TBL2: variants seen among roughly 807,000 people sequenced by gnomAD.
TBL2 encodes the protein transducin beta like 2.
TBL2 carries 33 observed loss-of-function variants against 41.8 expected under a neutral mutation model. The ratio of observed to expected loss-of-function variants is 0.79; its 90% CI spans 0.60 to 1.06. TBL2 has a LOEUF of 1.06. TBL2 is among the 50% of genes least tolerant of loss of function. The probability of loss-of-function intolerance (pLI) is 0.00; values close to 1 mark genes in which losing one functional copy is unlikely to be tolerated. For synonymous variants in TBL2, 239 were observed against 241.7 expected (o/e 0.99, Z 0.10); for missense variants, 522 against 603.8 (o/e 0.86, Z 1.42).
In TBL2 at chr7:73,569,328, G is replaced by C. The variant is rs1030006651; in HGVS notation, c.*1179C>G. 6.6e-6 allele frequency: 1 copy of C among 152,242 alleles called. No individual in the cohort carries two copies. The highest frequency in any genetic ancestry group is 3.4e-3 in the Middle Eastern group (1 of 294). The allele number at this position is 152,242 out of a possible 1,614,324, so 9.4% of individuals were successfully genotyped here. A position where few individuals can be genotyped will look rare whatever the true frequency, so the allele number is the denominator to read the frequency against. On this transcript the variant is annotated 3_prime_UTR_variant, in exon 7 of 7. Coordinates refer to ENST00000305632, the MANE Select transcript of TBL2 (RefSeq NM_012453.4). ...GGCTTGTTCCAACATTGAGAGGTCA[G>C]GGGCAACCAGGGGGGGTCATAGTTT...
chr7:73,573,044 G>A, intron 4 of TBL2, 74 bp from the exon 5 acceptor site: 4 of 1,595,624 alleles, frequency 2.5e-6, no homozygotes, highest in African/African-American at 2.7e-5. Context: ...ACACTTACAA[G>A]GCCTCTGCTG....
chr7:73,576,418 T>G (rs1554588938), intron 1 of TBL2: 2 of 324,930 alleles, frequency 6.2e-6, no homozygotes, highest in African/African-American at 2.2e-5. Context: ...ATACAAAAAT[T>G]AGCCGGGCGT....
At chr7:73,572,322 G>A (rs903088367) in intron 5 of TBL2, among the ~76,000 whole-genome samples, 1 of 152,124 alleles carries the variant, frequency 6.6e-6, no homozygotes, top group African/African-American at 2.4e-5. Flanking sequence ...GGTAGTGCAC[G>A]CCTGTAGTCC....
chr7:73,573,823 C>T, intron 3 of TBL2, 115 bp downstream of exon 3: 3 of 1,334,308 alleles, frequency 2.2e-6, no homozygotes, highest in South Asian at 1.4e-5. Context: ...CTTTCTGGCA[C>T]CCCAAGGGAG....
At chr7:73,577,175 G>A (rs1040458977) in intron 1 of TBL2, among the ~76,000 whole-genome samples, 2 of 148,474 alleles carry the variant, frequency 1.3e-5, no homozygotes, top group African/African-American at 5.0e-5. Context: ...GCAGGAGAAT[G>A]GCGTGAACCC....
chr7:73,569,181 A>G lies in TBL2; in HGVS notation c.*1326T>C, dbSNP rs1297264478. The G allele has an allele frequency of 6.6e-6, 1 of 152,204 alleles. No individual in the cohort carries two copies. The highest frequency in any genetic ancestry group is 2.4e-5 in the African/African-American group (1 of 41,440). The allele number at this position is 152,204 out of a possible 1,614,324, so 9.4% of individuals were successfully genotyped here. A position where few individuals can be genotyped will look rare whatever the true frequency, so the allele number is the denominator to read the frequency against. On this transcript the variant is annotated 3_prime_UTR_variant, in exon 7 of 7. Transcript: ENST00000305632. ...GTAACAGAAAAGCTGGAGAGAAGCA[A>G]CAGCCTCAGGATGTCACATGGAGTG... is the stretch of plus-strand genomic sequence containing the variant.
Position 73,570,506 on chromosome 7 carries a change from G to C in TBL2, c.*1C>G, listed in dbSNP as rs1327452618. On this transcript the variant is annotated 3_prime_UTR_variant, in exon 7 of 7. Transcript: ENST00000305632. Reference sequence around the variant, plus strand: ...ATCCTCTGCGCCGGGCCCTCCCAGAGTCACTTCTTCAGGGCACCCAGGCTC... The same window carrying C: ...ATCCTCTGCGCCGGGCCCTCCCAGACTCACTTCTTCAGGGCACCCAGGCTC... 1 of 1,539,118 alleles carries C rather than the reference G, an allele frequency of 6.5e-7. No individual in the cohort carries two copies. The highest frequency in any genetic ancestry group is 1.4e-5 in the African/African-American group (1 of 72,942).
At chr7:73,576,723 A>G in intron 1 of TBL2, 1 of 456,550 alleles carries the variant, frequency 2.2e-6, no homozygotes, top group Non-Finnish European at 4.4e-6. Flanking sequence ...CACAGCCACA[A>G]TCTGTCCTCT....
In TBL2 at chr7:73,573,317, T is replaced by A. The variant is rs1263547018; in HGVS notation, c.598+3A>T. ...CAGGCGCCACCCTCTGAATGCCTCTTACCTGTGTTAGCAATGCCAATGTCG... is the reference window on the plus strand; with the variant it reads ...CAGGCGCCACCCTCTGAATGCCTCTAACCTGTGTTAGCAATGCCAATGTCG... On this transcript the variant is annotated splice_donor_region_variant and intron_variant, in intron 4 of 6. Coordinates refer to ENST00000305632, the MANE Select transcript of TBL2 (RefSeq NM_012453.4). 2 of 1,614,100 alleles carry A rather than the reference T, an allele frequency of 1.2e-6. No homozygotes were observed.
In TBL2 at chr7:73,574,013, T is replaced by C. The variant is rs1554588329; in HGVS notation, c.371A>G (p.Gln124Arg). The C allele has an allele frequency of 6.2e-7, 1 of 1,614,224 alleles. No homozygotes were observed. The change falls in exon 3 of 7, where the codon CAG becomes CGG. Residue 124 changes from glutamine (Q) to arginine (R), a missense_variant. Gln to Arg is a conservative substitution (Grantham distance 43). Coordinates refer to ENST00000305632, the MANE Select transcript of TBL2 (RefSeq NM_012453.4). ...IRIWSTKDFLQREHRSMRANV... is the reference protein window; with the variant it reads ...IRIWSTKDFLRREHRSMRANV... ...GGCTCTCATGCTGCGGTGCTCTCGC[T>C]GCAGGAAGTCCTTGGTGCTCCAGAT...
chr7:73,574,690 G>C, intron 1 of TBL2, 177 bp from the exon 2 acceptor site: 2 of 811,544 alleles, frequency 2.5e-6, no homozygotes, highest in Non-Finnish European at 3.9e-6. Flanking sequence ...GCTGGGTATG[G>C]TGGCTCATGC....
rs567122347 is a variant in TBL2 at position 73,570,378 on chromosome 7, G to A, written c.*129C>T. ...ACAAGAGTAGTTTCAATGGGAAGAA[G>A]CAGGGCCACCAGTAAGAAAACCAGG... On this transcript the variant is annotated 3_prime_UTR_variant, in exon 7 of 7. Transcript: ENST00000305632. 7.1e-7 allele frequency: 1 copy of A among 1,398,680 alleles called. No homozygotes were observed. The highest frequency in any genetic ancestry group is 1.4e-5 in the African/African-American group (1 of 69,094). 86.6% of individuals were successfully genotyped at this position (1,398,680 alleles called of 1,614,324 possible). A position where few individuals can be genotyped will look rare whatever the true frequency, so the allele number is the denominator to read the frequency against.
chr7:73,569,824 T>C lies in TBL2; in HGVS notation c.*683A>G, dbSNP rs1411457967. ...ATGTATGATCAAGTCCCAGAAAACT[T>C]TGCCTTCCCAAGGAATGTGTTTCTA... is the stretch of plus-strand genomic sequence containing the variant. On this transcript the variant is annotated 3_prime_UTR_variant, in exon 7 of 7. Transcript: ENST00000305632. 6.6e-6 allele frequency: 1 copy of C among 152,174 alleles called. No homozygotes were observed. Among genetic ancestry groups the C allele is most frequent in the Non-Finnish European group, 1.5e-5 (1 of 68,040 alleles). The allele number at this position is 152,174 out of a possible 1,614,324, so 9.4% of individuals were successfully genotyped here.
At position 73,574,000 on chromosome 7, in the gene TBL2, G is replaced by T; in HGVS notation, c.384C>A (p.Arg128=). The change falls in exon 3 of 7, where the codon CGC becomes CGA. Residue 128 remains arginine (R), a synonymous_variant. Coordinates refer to ENST00000305632, the MANE Select transcript of TBL2 (RefSeq NM_012453.4). ...CCAGCTCCACGTTGGCTCTCATGCT[G>T]CGGTGCTCTCGCTGCAGGAAGTCCT... ...STKDFLQREH[R]SMRANVELDH... is the part of the protein sequence containing the mutation. 1 of 1,614,202 alleles carries T rather than the reference G, an allele frequency of 6.2e-7. No individual in the cohort carries two copies. Among genetic ancestry groups the T allele is most frequent in the East Asian group, 2.2e-5 (1 of 44,886 alleles).
chr7:73,578,559 A>C lies in TBL2; in HGVS notation c.-10T>G, dbSNP rs1554589574. 1.9e-6 allele frequency: 3 copies of C among 1,578,574 alleles called. No homozygotes were observed. The highest frequency in any genetic ancestry group is 2.8e-5 in the African/African-American group (2 of 71,246). ...TCTGCGAGAGCTCCATGTTGGTGGA[A>C]CCACTGCCACCTCAGCTAGTGAGTA... On this transcript the variant is annotated 5_prime_UTR_variant, in exon 1 of 7. Transcript: ENST00000305632.
intron 1 of TBL2, among the ~76,000 whole-genome samples, chr7:73,575,914 C>A (rs1027251984): frequency 6.6e-6 from 1 of 151,936 alleles, no homozygotes; most frequent in African/African-American, 2.4e-5. Context: ...TGGTGGTGTG[C>A]GCCTGTGGTC....
At chr7:73,571,167 A>T (rs1792920172) in intron 6 of TBL2, 22 bp downstream of exon 6, 1 of 1,613,906 alleles carries the variant, frequency 6.2e-7, no homozygotes, top group Non-Finnish European at 8.5e-7. Context: ...CACTGGTCAG[A>T]CATCAGAGCG....
At position 73,568,724 on chromosome 7, in the gene TBL2, C is replaced by G. The variant is rs540172038; in HGVS notation, c.*1783G>C. 2.0e-5 allele frequency among the ~76,000 whole-genome samples: 3 copies of G among 151,944 alleles called. No homozygotes were observed. In the East Asian group the frequency reaches 5.8e-4, roughly 29 times the overall value. On this transcript the variant is annotated 3_prime_UTR_variant, in exon 7 of 7. Transcript: ENST00000305632. ...GGTGGATCATTTGAGGTCAGGAGTTCGAGAGCAGCCTGGCCAACATCGTGA... is the reference window on the plus strand; with the variant it reads ...GGTGGATCATTTGAGGTCAGGAGTTGGAGAGCAGCCTGGCCAACATCGTGA...
At position 73,569,841 on chromosome 7, in the gene TBL2, G is replaced by A. The variant is rs1792815412; in HGVS notation, c.*666C>T. The A allele has an allele frequency of 1.3e-5, 2 of 152,214 alleles. No homozygotes were observed. Among genetic ancestry groups the A allele is most frequent in the Admixed American group, 1.3e-4 (2 of 15,276 alleles). 9.4% of individuals were successfully genotyped at this position (152,214 alleles called of 1,614,324 possible). A position where few individuals can be genotyped will look rare whatever the true frequency, so the allele number is the denominator to read the frequency against. On this transcript the variant is annotated 3_prime_UTR_variant, in exon 7 of 7. Coordinates refer to ENST00000305632, the MANE Select transcript of TBL2 (RefSeq NM_012453.4). ...AGAAAACTTTGCCTTCCCAAGGAAT[G>A]TGTTTCTAATTTGGTTTCAAAGCAC... is the stretch of plus-strand genomic sequence containing the variant.
Sources: allele counts gnomAD v4.1 joint callset (sites outside exome capture counted in the v4.1 genomes callset), GRCh38; gene constraint gnomAD v4.1.1; transcripts MANE v1.5; gene names NCBI Gene and HGNC (gene_info 2026-07-23, HGNC 2026-07-21).